The following CFAP299 variants were observed in gnomAD, a reference collection of about 807,000 sequenced individuals.
The protein encoded by CFAP299 is cilia and flagella associated protein 299, also known as cilia- and flagella-associated protein 299.
Under a neutral mutation model 27.0 loss-of-function variants are expected in CFAP299, and 21 were observed. That is an observed-to-expected ratio of 0.78 (90% CI 0.55 to 1.12). The LOEUF is 1.12. CFAP299 is among the 50% of genes most tolerant of loss of function. The pLI, the probability that CFAP299 is intolerant of heterozygous loss-of-function variation, is 0.00. For synonymous variants in CFAP299, 104 were observed against 98.1 expected (o/e 1.06, Z -0.36); for missense variants, 310 against 276.6 (o/e 1.12, Z -0.86).
intron 2 of CFAP299, chr4:80,388,551 C>T: frequency 6.9e-7 from 1 of 1,447,390 alleles, no homozygotes. Flanking sequence ...TTACACTTCC[C>T]ACAGAGAAAG....
chr4:80,565,836 C>T (rs1735255353), intron 2 of CFAP299, among the ~76,000 whole-genome samples: 1 of 151,988 alleles, frequency 6.6e-6, no homozygotes, highest in South Asian at 2.1e-4. Flanking sequence ...TGTGATAAAG[C>T]AAATGAGTTA....
At chr4:80,828,376 T>C (rs1248888723) in intron 3 of CFAP299, among the ~76,000 whole-genome samples, 1 of 151,894 alleles carries the variant, frequency 6.6e-6, no homozygotes, top group Non-Finnish European at 1.5e-5. Flanking sequence ...AGTCGAAAAA[T>C]AAACCTTCGC....
chr4:80,349,979 G>A (rs368132442), intron 1 of CFAP299, among the ~76,000 whole-genome samples: 7 of 152,080 alleles, frequency 4.6e-5, no homozygotes, highest in African/African-American at 1.7e-4. Flanking sequence ...AAGAAAAAAT[G>A]CTGAAATCCT....
the CFAP299 span, among the ~76,000 whole-genome samples, chr4:80,325,076 T>C: frequency 6.6e-6 from 1 of 152,326 alleles, no homozygotes; most frequent in African/African-American, 2.4e-5. Context: ...TGAGCCAAGA[T>C]CATGGCACTG....
chr4:80,647,944 C>A (rs1386302655), intron 3 of CFAP299, among the ~76,000 whole-genome samples: 1 of 152,126 alleles, frequency 6.6e-6, no homozygotes, highest in Non-Finnish European at 1.5e-5. Flanking sequence ...GCAGTTTCAG[C>A]TACCTGGGAG....
intron 2 of CFAP299, among the ~76,000 whole-genome samples, chr4:80,533,542 C>G (rs1167404687): frequency 6.6e-6 from 1 of 152,062 alleles, no homozygotes; most frequent in Non-Finnish European, 1.5e-5. Context: ...GTTGGCAAAA[C>G]AAAGCTATTT....
At position 80,512,526 on chromosome 4, in the gene CFAP299, C is replaced by T. The variant is rs560466242; in HGVS notation, c.243-70567C>T. Reference sequence around the variant, plus strand: ...GTCATCAGGGCTTTTGGCGAATAAGCTATATAATAGGTGTGAGCTGCCTAA... The same window carrying T: ...GTCATCAGGGCTTTTGGCGAATAAGTTATATAATAGGTGTGAGCTGCCTAA... On this transcript the variant is annotated intron_variant, in intron 2 of 5. Transcript: ENST00000358105. Among the ~76,000 whole-genome samples the T allele has an allele frequency of 1.0e-3, 156 of 151,984 alleles. 1 individual carries two copies. The highest frequency in any genetic ancestry group is 1.8e-3 in the Non-Finnish European group (125 of 68,002).
At chr4:80,794,921 A>T (rs1171704972) in intron 3 of CFAP299, among the ~76,000 whole-genome samples, 1 of 152,128 alleles carries the variant, frequency 6.6e-6, no homozygotes, top group East Asian at 1.9e-4. Context: ...CAAATGGGGC[A>T]CTCAACAGTG....
chr4:80,781,466 C>T (rs1324651258), intron 3 of CFAP299, among the ~76,000 whole-genome samples: 1 of 151,832 alleles, frequency 6.6e-6, no homozygotes, highest in African/African-American at 2.4e-5. Flanking sequence ...TGACTTTATC[C>T]TAAAGGAATG....
chr4:80,853,546 C>T (rs1215478923), intron 3 of CFAP299, among the ~76,000 whole-genome samples: 1 of 152,102 alleles, frequency 6.6e-6, no homozygotes. Context: ...TGAGGAAAGG[C>T]CATTTTTGGC....
chr4:80,398,814 GACA>G (rs1725966581), intron 2 of CFAP299, among the ~76,000 whole-genome samples: 1 of 152,254 alleles, frequency 6.6e-6, no homozygotes, highest in Admixed American at 6.5e-5. Flanking sequence ...CGAAAGCAAT[GACA>G]ACAAAAGCCA....
intron 4 of CFAP299, among the ~76,000 whole-genome samples, chr4:80,890,021 C>T (rs1249987365): frequency 6.6e-6 from 1 of 152,078 alleles, no homozygotes; most frequent in African/African-American, 2.4e-5. Flanking sequence ...TAATATCATA[C>T]TGAATGAGGT....
intron 3 of CFAP299, among the ~76,000 whole-genome samples, chr4:80,643,627 A>T (rs1331853166): frequency 3.3e-5 from 5 of 152,170 alleles, no homozygotes; most frequent in African/African-American, 1.2e-4. Context: ...GGCCTTGGAT[A>T]TGAAGACGGG....
intron 2 of CFAP299, among the ~76,000 whole-genome samples, chr4:80,489,184 C>T (rs1730987379): frequency 6.6e-6 from 1 of 152,058 alleles, no homozygotes; most frequent in Non-Finnish European, 1.5e-5. Flanking sequence ...GCTAGTTGGA[C>T]AATGTGGACC....
At chr4:80,829,509 A>G (rs1730181487) in intron 3 of CFAP299, among the ~76,000 whole-genome samples, 1 of 152,142 alleles carries the variant, frequency 6.6e-6, no homozygotes, top group South Asian at 2.1e-4. Context: ...TGTAGAAACC[A>G]GTATGGCATT....
chr4:80,405,530 A>G (rs1324015507), intron 2 of CFAP299, among the ~76,000 whole-genome samples: 2 of 152,156 alleles, frequency 1.3e-5, no homozygotes, highest in Non-Finnish European at 2.9e-5. Flanking sequence ...TGTATGTATA[A>G]TGCTTATGTT....
chr4:80,564,509 G>A (rs1446964446), intron 2 of CFAP299, among the ~76,000 whole-genome samples: 1 of 151,810 alleles, frequency 6.6e-6, no homozygotes, highest in Admixed American at 6.6e-5. Context: ...TCAAAAATCT[G>A]GGGACACAAG....
intron 3 of CFAP299, chr4:80,608,308 G>C: frequency 6.7e-7 from 1 of 1,496,672 alleles, no homozygotes; most frequent in Non-Finnish European, 9.0e-7. Context: ...ACCTCAGTTG[G>C]ATTTCCCCTT....
chr4:80,439,306 A>G (rs1728235316), intron 2 of CFAP299, among the ~76,000 whole-genome samples: 1 of 152,202 alleles, frequency 6.6e-6, no homozygotes, highest in Non-Finnish European at 1.5e-5. Flanking sequence ...AGGGAGACCA[A>G]CGCAGAAGGC....
Sources: allele counts gnomAD v4.1 joint callset (sites outside exome capture counted in the v4.1 genomes callset), GRCh38; gene constraint gnomAD v4.1.1; transcripts MANE v1.5; gene names NCBI Gene and HGNC (gene_info 2026-07-23, HGNC 2026-07-21).